The following LBH variants were observed in gnomAD, a reference collection of about 807,000 sequenced individuals.
LBH encodes protein LBH.
Under a neutral mutation model 12.5 loss-of-function variants are expected in LBH, and 7 were observed. That is an observed-to-expected ratio of 0.56 (90% CI 0.32 to 1.05). LBH has a LOEUF of 1.05. LBH is among the 50% of genes least tolerant of loss of function. The pLI is 0.04. For missense variants in LBH, 119 were observed against 138.9 expected, an observed-to-expected ratio of 0.86 and a Z score of 0.72; for synonymous variants, 51 against 50.1, an observed-to-expected ratio of 1.02 and a Z score of -0.08.
chr2:30,243,698 T>A (rs1302262163), intron 2 of LBH, among the ~76,000 whole-genome samples: 2 of 151,960 alleles, frequency 1.3e-5, no homozygotes, highest in Admixed American at 1.3e-4. Flanking sequence ...CCCAGCTAGT[T>A]TTTGCATTTT....
chr2:30,232,269 G>A (rs1677603483), intron 1 of LBH: 1 of 1,506,414 alleles, frequency 6.6e-7, no homozygotes, highest in Admixed American at 2.1e-5. Context: ...CTCCCCACAC[G>A]TAACCCCACT....
chr2:30,237,172 G>T (rs1677702631), intron 2 of LBH, among the ~76,000 whole-genome samples: 1 of 152,228 alleles, frequency 6.6e-6, no homozygotes, highest in Non-Finnish European at 1.5e-5. Flanking sequence ...GATAATAATA[G>T]TACGTGGCTT....
At chr2:30,255,293 C>CG (rs34337269) in intron 2 of LBH, among the ~76,000 whole-genome samples, 32,935 of 152,162 alleles carry the variant, frequency 0.22, 4,254 homozygotes, top group Middle Eastern at 0.31. Context: ...GCCCACGTGG[C>CG]GCTCCTCGCT....
chr2:30,239,414 C>T (rs1282821806), intron 2 of LBH, among the ~76,000 whole-genome samples: 1 of 152,206 alleles, frequency 6.6e-6, no homozygotes, highest in African/African-American at 2.4e-5. Flanking sequence ...TTACCCCTGT[C>T]TCATTGCTTA....
rs1198031271 is a variant in LBH, at chr2:30,232,176, C to G, written c.26+412C>G. 3.9e-6 allele frequency: 6 copies of G among 1,539,540 alleles called. No homozygotes were observed. The East Asian group carries it at 7.4e-5, about 19-fold the overall frequency. On this transcript the variant is annotated intron_variant, in intron 1 of 2. Coordinates refer to ENST00000395323, the MANE Select transcript of LBH (RefSeq NM_030915.4). Reference sequence around the variant, plus strand: ...CTTTTTGTTTGCATGCAAGTCTCAACGTCGAGGCCGGCAGCAGCGGGGCTG... The same window carrying G: ...CTTTTTGTTTGCATGCAAGTCTCAAGGTCGAGGCCGGCAGCAGCGGGGCTG...
intron 2 of LBH, among the ~76,000 whole-genome samples, chr2:30,240,406 T>C (rs1293591158): frequency 6.6e-6 from 1 of 152,138 alleles, no homozygotes; most frequent in Non-Finnish European, 1.5e-5. Context: ...CCTGAAATGA[T>C]CTTGCAGGCC....
intron 2 of LBH, among the ~76,000 whole-genome samples, chr2:30,246,372 C>T (rs1677869354): frequency 6.6e-6 from 1 of 152,152 alleles, no homozygotes; most frequent in Admixed American, 6.5e-5. Flanking sequence ...AGCTTCTGTT[C>T]ATGATTATGT....
In LBH at chr2:30,259,419, G is replaced by T. The variant is rs3817143; in HGVS notation, c.*1798G>T. The T allele has an allele frequency of 6.5e-6, 1 of 152,748 alleles. No homozygotes were observed. The highest frequency in any genetic ancestry group is 2.4e-5 in the African/African-American group (1 of 41,386). The allele number at this position is 152,748 out of a possible 1,614,324, so 9.5% of individuals were successfully genotyped here. On this transcript the variant is annotated 3_prime_UTR_variant, in exon 3 of 3. Transcript: ENST00000395323. Reference sequence around the variant, plus strand: ...AGGCCGGCAGCCTGCACCGAGAGGGGCTTTCCTCTCTCTTGCTCCCCGCTT... The same window carrying T: ...AGGCCGGCAGCCTGCACCGAGAGGGTCTTTCCTCTCTCTTGCTCCCCGCTT...
intron 2 of LBH, among the ~76,000 whole-genome samples, chr2:30,244,571 G>A (rs902143458): frequency 4.3e-4 from 65 of 152,020 alleles, no homozygotes; most frequent in African/African-American, 1.5e-3. Flanking sequence ...TTTACAAGAG[G>A]AGAACCTGTC....
At chr2:30,254,627 C>A (rs987112781) in intron 2 of LBH, among the ~76,000 whole-genome samples, 1 of 152,040 alleles carries the variant, frequency 6.6e-6, no homozygotes, top group Non-Finnish European at 1.5e-5. Flanking sequence ...CCCCTCCCCC[C>A]CTCCTCCTTT....
At chr2:30,239,207 A>G (rs1006925614) in intron 2 of LBH, among the ~76,000 whole-genome samples, 1 of 151,844 alleles carries the variant, frequency 6.6e-6, no homozygotes, top group Non-Finnish European at 1.5e-5. Flanking sequence ...CTTTGCTCAC[A>G]TCTCTGCTGA....
chr2:30,250,887 C>T (rs62141153), intron 2 of LBH, among the ~76,000 whole-genome samples: 35 of 152,008 alleles, frequency 2.3e-4, no homozygotes, highest in Non-Finnish European at 3.5e-4. Flanking sequence ...CTTCATCGTC[C>T]GCATACTAAA....
chr2:30,243,443 T>A (rs796081041), intron 2 of LBH, among the ~76,000 whole-genome samples: 9 of 152,270 alleles, frequency 5.9e-5, no homozygotes, highest in African/African-American at 1.9e-4. Context: ...CCAACTTGGC[T>A]TTCCTGGGGT....
Position 30,249,612 on chromosome 2 carries a change from C to CA in LBH, c.130-7820dup, listed in dbSNP as rs529172056. Among the ~76,000 whole-genome samples the CA allele has an allele frequency of 2.6e-4, 39 of 152,268 alleles. No homozygotes were observed. The East Asian group carries it at 5.0e-3, about 20-fold the overall frequency. On this transcript the variant is annotated intron_variant, in intron 2 of 2. Transcript: ENST00000395323. The stretch of plus-strand genomic sequence containing the variant: ...CCCACGCCCTGGGGAAACAGAGCCA[C>CA]AGGGAGGGAAGTGATGAATGAAGTT...
intron 2 of LBH, among the ~76,000 whole-genome samples, chr2:30,243,732 T>C (rs1247607415): frequency 1.3e-5 from 2 of 152,042 alleles, no homozygotes; most frequent in African/African-American, 4.8e-5. Context: ...TTTCTCCATG[T>C]TGGCCAGGCT....
At chr2:30,252,885 C>T (rs76885238) in intron 2 of LBH, among the ~76,000 whole-genome samples, 3,020 of 152,296 alleles carry the variant, frequency 0.02, 104 homozygotes, top group African/African-American at 0.069. Context: ...TAGACCTGCC[C>T]TACCCTGGGC....
In LBH at chr2:30,232,325, C is replaced by A. The variant is rs1001497751; in HGVS notation, c.26+561C>A. 16 of 1,291,662 alleles carry A rather than the reference C, an allele frequency of 1.2e-5. No individual in the cohort carries two copies. In the Admixed American group the frequency reaches 2.9e-4, roughly 23 times the overall value. The allele number at this position is 1,291,662 out of a possible 1,614,324, so 80.0% of individuals were successfully genotyped here. ...ACGCGCTGCAGCCTCTCAACCCCTG[C>A]CCTCTCCACCGCCCCTAAAAACCGA... On this transcript the variant is annotated intron_variant, in intron 1 of 2. Coordinates refer to ENST00000395323, the MANE Select transcript of LBH (RefSeq NM_030915.4).
In LBH at chr2:30,232,239, G is replaced by T. The variant is rs765489659; in HGVS notation, c.26+475G>T. 1.4e-4 allele frequency: 104 copies of T among 747,468 alleles called. 1 individual carries two copies. The highest frequency in any genetic ancestry group is 1.9e-4 in the Non-Finnish European group (86 of 457,618). 46.3% of individuals were successfully genotyped at this position (747,468 alleles called of 1,614,324 possible). On this transcript the variant is annotated intron_variant, in intron 1 of 2. Transcript: ENST00000395323. ...CGCAGGGTTTGCAGAGCTCCGGGGG[G>T]GTGGGGGGCGGGAAACGCTCTCCCC...
At chr2:30,234,803 A>G (rs1328363365) in intron 2 of LBH, among the ~76,000 whole-genome samples, 1 of 152,322 alleles carries the variant, frequency 6.6e-6, no homozygotes, top group South Asian at 2.1e-4. Flanking sequence ...AATTGACCCT[A>G]CTGGCTCTGT....
Sources: allele counts gnomAD v4.1 joint callset (sites outside exome capture counted in the v4.1 genomes callset), GRCh38; gene constraint gnomAD v4.1.1; transcripts MANE v1.5; gene names NCBI Gene and HGNC (gene_info 2026-07-23, HGNC 2026-07-21).